Variants in PIKFYVE observed in about 807,000 individuals in gnomAD.
PIKFYVE encodes phosphoinositide kinase, FYVE-type zinc finger containing.
A neutral mutation model predicts 257.9 loss-of-function variants in PIKFYVE; 122 were observed. The ratio of observed to expected loss-of-function variants is 0.47; its 90% CI spans 0.41 to 0.55. PIKFYVE has a LOEUF of 0.55. PIKFYVE is among the 20% of genes least tolerant of loss of function. PIKFYVE has a pLI of 0.00. For missense variants in PIKFYVE, 2,160 were observed against 2,536.6 expected, an observed-to-expected ratio of 0.85 and a Z score of 3.19; for synonymous variants, 892 against 868.9, an observed-to-expected ratio of 1.03 and a Z score of -0.47.
chr2:208,310,999 A>C (rs1326368631), intron 12 of PIKFYVE, among the ~76,000 whole-genome samples: 5 of 152,174 alleles, frequency 3.3e-5, no homozygotes, highest in Admixed American at 2.0e-4. Context: ...TCCTAGTGGT[A>C]AAGTGTCATG....
At chr2:208,335,671 A>G (rs1698057950) in intron 25 of PIKFYVE, 122 bp from the exon 26 acceptor site, 1 of 904,238 alleles carries the variant, frequency 1.1e-6, no homozygotes, top group Admixed American at 2.2e-5. Flanking sequence ...ACTGTATGTA[A>G]TTCTTAATTA....
intron 20 of PIKFYVE, among the ~76,000 whole-genome samples, chr2:208,326,809 A>T (rs970973491): frequency 4.6e-5 from 7 of 152,302 alleles, no homozygotes; most frequent in African/African-American, 1.2e-4. Context: ...GTGTTTTTTT[A>T]AAAAAGTTAG....
chr2:208,335,670 A>C (rs6718402), intron 25 of PIKFYVE, 123 bp from the exon 26 acceptor site: 858,305 of 887,294 alleles, frequency 0.97, 416,194 homozygotes, highest in Non-Finnish European at 0.98. Flanking sequence ...AACTGTATGT[A>C]ATTCTTAATT....
chr2:208,272,870 A>C (rs935188203), intron 2 of PIKFYVE, among the ~76,000 whole-genome samples: 7 of 152,192 alleles, frequency 4.6e-5, no homozygotes, highest in Non-Finnish European at 1.0e-4. Flanking sequence ...GTATACTCCC[A>C]TACCCAGTTT....
intron 16 of PIKFYVE, 129 bp from the exon 17 acceptor site, chr2:208,320,123 T>C (rs1035552144): frequency 7.7e-7 from 1 of 1,295,274 alleles, no homozygotes; most frequent in Non-Finnish European, 1.0e-6. Flanking sequence ...AATGAGAATA[T>C]ATTAATACTA....
chr2:208,288,636 A>C, intron 6 of PIKFYVE, 93 bp from the exon 7 acceptor site: 5 of 1,547,204 alleles, frequency 3.2e-6, no homozygotes, highest in Non-Finnish European at 4.4e-6. Flanking sequence ...TTGCAAGGAA[A>C]AAGATTAAAT....
At chr2:208,345,959 C>A in intron 33 of PIKFYVE, 91 bp from the exon 34 acceptor site, 2 of 861,476 alleles carry the variant, frequency 2.3e-6, no homozygotes, top group Non-Finnish European at 3.8e-6. Context: ...GGAAGTAAAT[C>A]AGTGTACAGC....
intron 1 of PIKFYVE, chr2:208,269,455 T>TC: frequency 4.0e-6 from 1 of 252,788 alleles, no homozygotes; most frequent in Non-Finnish European, 8.3e-6. Flanking sequence ...GGTGAGGACT[T>TC]GTCTGAGCTC....
At chr2:208,306,607 T>C (rs1340535506) in intron 12 of PIKFYVE, among the ~76,000 whole-genome samples, 5 of 152,164 alleles carry the variant, frequency 3.3e-5, no homozygotes, top group Admixed American at 3.3e-4. Context: ...AGTCAGATAC[T>C]TACTTTTGAA....
chr2:208,322,037 G>A (rs1696306255), intron 17 of PIKFYVE, among the ~76,000 whole-genome samples: 1 of 152,060 alleles, frequency 6.6e-6, no homozygotes, highest in South Asian at 2.1e-4. Flanking sequence ...CCAGAAAAAG[G>A]GATAACTCAT....
rs545573105 is a variant in PIKFYVE at position 208,321,976 on chromosome 2, G to C, written c.2190+1617G>C. 1.5e-3 allele frequency among the ~76,000 whole-genome samples: 227 copies of C among 152,268 alleles called. 1 individual carries two copies. Among genetic ancestry groups the C allele is most frequent in the Non-Finnish European group, 2.8e-3 (193 of 68,016 alleles). On this transcript the variant is annotated intron_variant, in intron 17 of 41. Transcript: ENST00000264380. ...TATTATATGATCTGTTGGGAAATTG[G>C]AATTAGGAAGTAGCTGAAATAGCAT... is the stretch of plus-strand genomic sequence containing the variant.
chr2:208,349,344 T>C (rs1397585853), intron 35 of PIKFYVE, among the ~76,000 whole-genome samples: 3 of 151,996 alleles, frequency 2.0e-5, no homozygotes, highest in African/African-American at 7.2e-5. Flanking sequence ...CTTCTAGATA[T>C]TAAGATGTAT....
chr2:208,349,897 A>T, intron 35 of PIKFYVE, 127 bp from the exon 36 acceptor site: 2 of 1,366,152 alleles, frequency 1.5e-6, no homozygotes. Flanking sequence ...CTTGATAGTG[A>T]CTTGAGTAGG....
intron 15 of PIKFYVE, among the ~76,000 whole-genome samples, chr2:208,316,014 A>G (rs1341714019): frequency 7.0e-6 from 1 of 143,482 alleles, no homozygotes. Flanking sequence ...ACCTAATGCT[A>G]TCCCTCACCC....
chr2:208,277,040 G>GT (rs1366985912), intron 4 of PIKFYVE, among the ~76,000 whole-genome samples: 2 of 152,074 alleles, frequency 1.3e-5, no homozygotes, highest in East Asian at 3.8e-4. Context: ...TTCGCGTTCT[G>GT]TTTAAGAAGT....
Position 208,330,725 on chromosome 2 carries a change from G to C in PIKFYVE, c.3963+31G>C, listed in dbSNP as rs748773333. 9 of 1,590,092 alleles carry C rather than the reference G, an allele frequency of 5.7e-6. No individual in the cohort carries two copies. In the Admixed American group the frequency reaches 1.5e-4, roughly 27 times the overall value. On this transcript the variant is annotated intron_variant, in intron 23 of 41. Transcript: ENST00000264380. ...TAGACCCTATTACTATATTTTGTTT[G>C]CCATTTATTTCTTTATTTGTATGTT... is the stretch of plus-strand genomic sequence containing the variant.
Position 208,345,104 on chromosome 2 carries a change from C to A in PIKFYVE, c.5028-7C>A, listed in dbSNP as rs1474311322. The A allele has an allele frequency of 6.3e-7, 1 of 1,588,996 alleles. No homozygotes were observed. The highest frequency in any genetic ancestry group is 1.1e-5 in the South Asian group (1 of 90,546). On this transcript the variant is annotated splice_polypyrimidine_tract_variant and splice_region_variant and intron_variant, in intron 32 of 41. Coordinates refer to ENST00000264380, the MANE Select transcript of PIKFYVE (RefSeq NM_015040.4). ...TTTAACGTTTTTCAACCTATTTCTG[C>A]CCTAAGTTGTAAAGAATACCGAAAT...
chr2:208,325,594 G>A lies in PIKFYVE; in HGVS notation c.2783G>A (p.Ser928Asn). 1 of 1,614,104 alleles carries A rather than the reference G, an allele frequency of 6.2e-7. No homozygotes were observed. The highest frequency in any genetic ancestry group is 8.5e-7 in the Non-Finnish European group (1 of 1,179,968). Residue 928 changes from serine (S) to asparagine (N), a missense_variant, in exon 20 of 42, where the codon AGT (serine) becomes AAT (asparagine). By Grantham distance (46) the Ser-to-Asn change is conservative. Transcript: ENST00000264380. Reference sequence around the variant, plus strand: ...GAGTCTCTGCCCTGTGATGATAGCAGTTTGCTGGAATTGAGGATTGTGTTT... The same window carrying A: ...GAGTCTCTGCCCTGTGATGATAGCAATTTGCTGGAATTGAGGATTGTGTTT... ...PPESLPCDDS[S>N]LLELRIVFEK... is the part of the protein sequence containing the mutation.
chr2:208,322,378 A>AC (rs1696350721), intron 17 of PIKFYVE, among the ~76,000 whole-genome samples: 1 of 149,990 alleles, frequency 6.7e-6, no homozygotes, highest in South Asian at 2.1e-4. Flanking sequence ...GTCTCTTAAA[A>AC]AAAAAAAAAA....
Sources: gnomAD v4.1 joint callset for allele counts (sites outside exome capture counted in the v4.1 genomes callset) on GRCh38, gnomAD v4.1.1 for gene constraint, MANE v1.5 for transcripts, NCBI Gene and HGNC (gene_info 2026-07-23, HGNC 2026-07-21) for gene names.